The following ADCY3 variants were observed in gnomAD, a reference collection of about 807,000 sequenced individuals.
ADCY3 encodes adenylate cyclase type 3.
ADCY3 carries 70 observed loss-of-function variants against 119.4 expected under a neutral mutation model. That is an observed-to-expected ratio of 0.59 (90% confidence interval 0.48 to 0.72). The LOEUF (loss-of-function observed/expected upper bound fraction) is 0.72. Ranked by LOEUF, ADCY3 falls within the 30% of genes least tolerant of loss-of-function variation. The pLI is 0.00. For synonymous variants in ADCY3, 672 were observed against 621.4 expected (o/e 1.08, Z -1.21); for missense variants, 1,238 against 1,541.6 (o/e 0.80, Z 3.30).
In ADCY3 at chr2:24,898,253, C is replaced by A. The variant is rs1014777044; in HGVS notation, c.675+20060G>T. On this transcript the variant is annotated intron_variant, in intron 2 of 21. Coordinates refer to ENST00000679454, the MANE Select transcript of ADCY3 (RefSeq NM_004036.5). The surrounding 1 kb of genome is among the most constrained non-coding windows in gnomAD (Gnocchi z 4.3). ...CTCCTGAGGGGCTTTTCTCTCCACT[C>A]TCCCAGTTCGTGCGCCACAGAGGCC... Among the ~76,000 whole-genome samples, 1 of 152,162 alleles carries A rather than the reference C, an allele frequency of 6.6e-6. No individual in the cohort carries two copies. Among genetic ancestry groups the A allele is most frequent in the African/African-American group, 2.4e-5 (1 of 41,448 alleles).
chr2:24,819,358 A>AT lies in ADCY3; in HGVS notation c.*573_*574insA, dbSNP rs1401437057. The AT allele has an allele frequency of 6.5e-6, 1 of 152,704 alleles. No homozygotes were observed. Among genetic ancestry groups the AT allele is most frequent in the Non-Finnish European group, 1.5e-5 (1 of 68,076 alleles). 9.5% of individuals were successfully genotyped at this position (152,704 alleles called of 1,614,324 possible). A position where few individuals can be genotyped will look rare whatever the true frequency, so the allele number is the denominator to read the frequency against. ...GTTTATATATTTTTCTTTCAGAAAT[A>AT]AATCCCCCCTCCCCTGCCAGGTGAA... On this transcript the variant is annotated 3_prime_UTR_variant, in exon 22 of 22. Coordinates refer to ENST00000679454, the MANE Select transcript of ADCY3 (RefSeq NM_004036.5).
At chr2:24,867,367 T>C (rs10184813) in intron 3 of ADCY3, among the ~76,000 whole-genome samples, 49,952 of 152,008 alleles carry the variant, frequency 0.33, 8,373 homozygotes, top group South Asian at 0.4. Flanking sequence ...GCCAATGTAA[T>C]ACTATTAAGA....
At chr2:24,885,388 T>C (rs1365801494) in intron 2 of ADCY3, among the ~76,000 whole-genome samples, 2 of 152,136 alleles carry the variant, frequency 1.3e-5, no homozygotes. Context: ...TGTCATGGTC[T>C]CCCCTAACCA....
At position 24,819,614 on chromosome 2, in the gene ADCY3, T is replaced by G. The variant is rs1667235153; in HGVS notation, c.*318A>C. 4.4e-6 allele frequency: 1 copy of G among 229,884 alleles called. No individual in the cohort carries two copies. Among genetic ancestry groups the G allele is most frequent in the Non-Finnish European group, 8.5e-6 (1 of 117,342 alleles). 14.2% of individuals were successfully genotyped at this position (229,884 alleles called of 1,614,324 possible). ...GGAAAGCCCAGCGGCAAAGGCAGCT[T>G]TGTCCCAGCTCTGCCACCCTCCTGC... On this transcript the variant is annotated 3_prime_UTR_variant, in exon 22 of 22. Transcript: ENST00000679454.
chr2:24,856,769 C>T (rs1673048611), intron 3 of ADCY3, among the ~76,000 whole-genome samples: 2 of 152,186 alleles, frequency 1.3e-5, no homozygotes, highest in African/African-American at 4.8e-5. Flanking sequence ...TGTCCCTGAG[C>T]TAAATGCTGG....
chr2:24,846,575 T>G (rs939734248), intron 3 of ADCY3, among the ~76,000 whole-genome samples: 1 of 148,250 alleles, frequency 6.7e-6, no homozygotes. Context: ...TAGTTTGCTT[T>G]TGATTTTTTT....
intron 2 of ADCY3, among the ~76,000 whole-genome samples, chr2:24,883,979 G>A (rs977221794): frequency 1.3e-5 from 2 of 152,120 alleles, no homozygotes; most frequent in East Asian, 3.8e-4. Context: ...CACATCATCT[G>A]CTCTCCTGAA....
intron 2 of ADCY3, among the ~76,000 whole-genome samples, chr2:24,916,453 G>T (rs1179618558): frequency 1.3e-5 from 2 of 152,248 alleles, no homozygotes; most frequent in African/African-American, 2.4e-5. Context: ...GGAGGCCGAG[G>T]CGGGCGGATT....
At position 24,842,400 on chromosome 2, in the gene ADCY3, G is replaced by A; in HGVS notation, c.826-16C>T. On this transcript the variant is annotated splice_polypyrimidine_tract_variant and intron_variant, in intron 3 of 21. Coordinates refer to ENST00000679454, the MANE Select transcript of ADCY3 (RefSeq NM_004036.5). The surrounding 1 kb of genome is among the most constrained non-coding windows in gnomAD (Gnocchi z 4.9). The stretch of plus-strand genomic sequence containing the variant: ...TGAGGTTCTCCTGTGAGGGGCAGGA[G>A]AGGGTCAGAGGCAAAGGTAGGCCCT... The A allele has an allele frequency of 3.7e-6, 6 of 1,614,086 alleles. No homozygotes were observed. The highest frequency in any genetic ancestry group is 1.3e-5 in the African/African-American group (1 of 75,058).
intron 2 of ADCY3, among the ~76,000 whole-genome samples, chr2:24,891,022 A>C (rs1677587058): frequency 6.6e-6 from 1 of 151,880 alleles, no homozygotes; most frequent in Admixed American, 6.6e-5. Flanking sequence ...CAGGCATGCC[A>C]CCACACCCAG....
At position 24,819,729 on chromosome 2, in the gene ADCY3, C is replaced by A; in HGVS notation, c.*203G>T. On this transcript the variant is annotated 3_prime_UTR_variant, in exon 22 of 22. Coordinates refer to ENST00000679454, the MANE Select transcript of ADCY3 (RefSeq NM_004036.5). ...CTGTTCAGCCCTATGCCTAAGACCC[C>A]TATGCTGGGGACACTACAGGCACAC... 1.7e-6 allele frequency: 1 copy of A among 588,864 alleles called. No individual in the cohort carries two copies. The highest frequency in any genetic ancestry group is 2.1e-5 in the South Asian group (1 of 47,322). The allele number at this position is 588,864 out of a possible 1,614,324, so 36.5% of individuals were successfully genotyped here.
intron 2 of ADCY3, among the ~76,000 whole-genome samples, chr2:24,906,294 G>A (rs1484055384): frequency 9.6e-6 from 1 of 104,280 alleles, no homozygotes; most frequent in East Asian, 2.4e-4. Flanking sequence ...GCGAGAGAGT[G>A]AGACTGTTTA....
chr2:24,824,285 T>G, intron 17 of ADCY3, 93 bp downstream of exon 17: 7 of 1,507,194 alleles, frequency 4.6e-6, no homozygotes, highest in Non-Finnish European at 6.3e-6. Flanking sequence ...CCCCTGTCCC[T>G]GAGAAGGCCT....
rs538275111 is a variant in ADCY3 at position 24,888,920 on chromosome 2, A to G, written c.676-16201T>C. Among the ~76,000 whole-genome samples the G allele has an allele frequency of 9.2e-5, 14 of 152,264 alleles. No individual in the cohort carries two copies. In the East Asian group the frequency reaches 2.3e-3, roughly 25 times the overall value. ...GCTACTCGGGAGGCTGAGGCAGGAGAATTGCTTGAACCCGGGAGGCAGAGG... is the reference window on the plus strand; with the variant it reads ...GCTACTCGGGAGGCTGAGGCAGGAGGATTGCTTGAACCCGGGAGGCAGAGG... On this transcript the variant is annotated intron_variant, in intron 2 of 21. Coordinates refer to ENST00000679454, the MANE Select transcript of ADCY3 (RefSeq NM_004036.5).
At chr2:24,912,751 G>A (rs2384061) in intron 2 of ADCY3, among the ~76,000 whole-genome samples, 67,089 of 152,002 alleles carry the variant, frequency 0.44, 15,336 homozygotes, top group African/African-American at 0.56. Context: ...GAGGAGTCCA[G>A]TGTTCACAGC....
intron 3 of ADCY3, among the ~76,000 whole-genome samples, chr2:24,852,733 C>T (rs1048156289): frequency 6.6e-5 from 10 of 152,242 alleles, no homozygotes; most frequent in African/African-American, 2.2e-4. Flanking sequence ...CCCGAGGACC[C>T]GAGCTGCCAA....
intron 3 of ADCY3, among the ~76,000 whole-genome samples, chr2:24,854,901 T>C (rs1271508822): frequency 2.6e-5 from 4 of 151,892 alleles, no homozygotes; most frequent in Non-Finnish European, 1.5e-5. Context: ...AATACAAAAA[T>C]TAGCAGGGCT....
At chr2:24,889,269 T>G (rs1293872135) in intron 2 of ADCY3, among the ~76,000 whole-genome samples, 1 of 152,236 alleles carries the variant, frequency 6.6e-6, no homozygotes, top group Admixed American at 6.5e-5. Context: ...AAGCAAGTTC[T>G]AGTTTGAACA....
Position 24,827,619 on chromosome 2 carries a change from G to C in ADCY3, c.2433-11C>G. The C allele has an allele frequency of 1.9e-6, 3 of 1,579,102 alleles. No homozygotes were observed. Among genetic ancestry groups the C allele is most frequent in the Non-Finnish European group, 2.6e-6 (3 of 1,159,266 alleles). On this transcript the variant is annotated splice_polypyrimidine_tract_variant and intron_variant, in intron 14 of 21. Coordinates refer to ENST00000679454, the MANE Select transcript of ADCY3 (RefSeq NM_004036.5). ...GCCACCATAGGTAAGCTGTTGGACA[G>C]ATAACAGCACAGTCAGGCCCCATCT... is the stretch of plus-strand genomic sequence containing the variant.
Sources: gnomAD v4.1 joint callset for allele counts (sites outside exome capture counted in the v4.1 genomes callset) on GRCh38, gnomAD v4.1.1 for gene constraint, Gnocchi (gnomAD v3.1) non-coding constraint, MANE v1.5 for transcripts, NCBI Gene and HGNC (gene_info 2026-07-23, HGNC 2026-07-21) for gene names.